SGCZ: variants seen among roughly 807,000 people sequenced by gnomAD.
The protein encoded by SGCZ is sarcoglycan zeta, also known as zeta-sarcoglycan.
Under a neutral mutation model 41.3 loss-of-function variants are expected in SGCZ, and 40 were observed. The ratio of observed to expected loss-of-function variants is 0.97; its 90% CI spans 0.75 to 1.26. The LOEUF (loss-of-function observed/expected upper bound fraction) is 1.26, where lower values mean the gene tolerates loss of function less well. Among genes scored for constraint, SGCZ ranks in the 50% most tolerant of loss-of-function variants. SGCZ has a pLI of 0.00. For synonymous variants in SGCZ, 206 were observed against 137.5 expected, an observed-to-expected ratio of 1.50 and a Z score of -3.49; for missense variants, 552 against 369.8, an observed-to-expected ratio of 1.49 and a Z score of -4.04.
intron 5 of SGCZ, among the ~76,000 whole-genome samples, chr8:14,146,764 C>T (rs374911578): frequency 0.045 from 5,576 of 124,678 alleles, 183 homozygotes; most frequent in Middle Eastern, 0.11. Context: ...CCCAGCTGCT[C>T]TGGAGGCTGA....
At chr8:14,228,696 A>G (rs548974770) in intron 4 of SGCZ, among the ~76,000 whole-genome samples, 1 of 152,176 alleles carries the variant, frequency 6.6e-6, no homozygotes, top group Admixed American at 6.6e-5. Flanking sequence ...GGACACCTTT[A>G]CAATATGTCT....
intron 1 of SGCZ, among the ~76,000 whole-genome samples, chr8:14,834,779 G>C (rs193101433): frequency 1.2e-3 from 181 of 152,228 alleles, no homozygotes; most frequent in African/African-American, 4.2e-3. Flanking sequence ...TCCTTGATAA[G>C]GTGGAAAGAG....
At chr8:14,814,110 A>G (rs1234963956) in intron 1 of SGCZ, among the ~76,000 whole-genome samples, 8 of 152,246 alleles carry the variant, frequency 5.3e-5, no homozygotes, top group African/African-American at 1.7e-4. Flanking sequence ...AGTTATATTA[A>G]GAACAGGATA....
intron 4 of SGCZ, among the ~76,000 whole-genome samples, chr8:14,225,202 T>G (rs1806330643): frequency 6.6e-6 from 1 of 152,160 alleles, no homozygotes. Flanking sequence ...AATTTCTATT[T>G]TTATTGTGGT....
At chr8:15,180,166 C>G (rs1002925886) in intron 1 of SGCZ, among the ~76,000 whole-genome samples, 1 of 152,186 alleles carries the variant, frequency 6.6e-6, no homozygotes, top group African/African-American at 2.4e-5. Context: ...CTATCACCCT[C>G]TCATCCCGCA....
intron 1 of SGCZ, among the ~76,000 whole-genome samples, chr8:14,630,038 G>GA (rs1806593516): frequency 6.6e-6 from 1 of 151,850 alleles, no homozygotes. Context: ...AGATATATTA[G>GA]GGAAAAAAAT....
At chr8:14,645,766 A>G (rs781141523) in intron 1 of SGCZ, among the ~76,000 whole-genome samples, 41 of 151,694 alleles carry the variant, frequency 2.7e-4, no homozygotes, top group Non-Finnish European at 4.3e-4. Flanking sequence ...TAAGTTACCA[A>G]ATAATATCTG....
At chr8:15,142,455 A>G (rs1798915577) in intron 1 of SGCZ, among the ~76,000 whole-genome samples, 1 of 152,058 alleles carries the variant, frequency 6.6e-6, no homozygotes, top group South Asian at 2.1e-4. Flanking sequence ...TGTTTCTTTC[A>G]AGTCCTTTAA....
intron 1 of SGCZ, among the ~76,000 whole-genome samples, chr8:14,765,288 G>C (rs936464817): frequency 3.3e-5 from 5 of 152,120 alleles, no homozygotes; most frequent in African/African-American, 1.2e-4. Flanking sequence ...TTCAATGATA[G>C]AACTACAAAA....
At chr8:14,127,227 C>G (rs1045235407) in intron 5 of SGCZ, among the ~76,000 whole-genome samples, 3 of 152,078 alleles carry the variant, frequency 2.0e-5, no homozygotes, top group Non-Finnish European at 4.4e-5. Flanking sequence ...AAGCATAGGT[C>G]TGGTTCCCGT....
chr8:14,829,422 T>C (rs954379414), intron 1 of SGCZ, among the ~76,000 whole-genome samples: 1 of 152,214 alleles, frequency 6.6e-6, no homozygotes, highest in African/African-American at 2.4e-5. Flanking sequence ...ATAAAGTGTA[T>C]ATTATTTTCT....
At chr8:14,604,199 A>G (rs1049987862) in intron 1 of SGCZ, among the ~76,000 whole-genome samples, 2 of 152,146 alleles carry the variant, frequency 1.3e-5, no homozygotes, top group African/African-American at 4.8e-5. Context: ...CAAGGTACAA[A>G]TAGACTTATA....
intron 1 of SGCZ, among the ~76,000 whole-genome samples, chr8:14,858,324 A>G (rs930386863): frequency 6.6e-6 from 1 of 150,714 alleles, no homozygotes; most frequent in African/African-American, 2.5e-5. Flanking sequence ...AAAAATTCTT[A>G]AAACAAAACA....
chr8:14,619,920 A>C, intron 1 of SGCZ, among the ~76,000 whole-genome samples: 1 of 152,176 alleles, frequency 6.6e-6, no homozygotes, highest in Non-Finnish European at 1.5e-5. Flanking sequence ...GCCTTTCTTC[A>C]CAGAATTGGA....
At chr8:14,653,827 T>A (rs375926885) in intron 1 of SGCZ, among the ~76,000 whole-genome samples, 1 of 152,248 alleles carries the variant, frequency 6.6e-6, no homozygotes, top group East Asian at 1.9e-4. Context: ...CCCTCAGTTG[T>A]CTCAAAAATG....
chr8:14,903,165 TATA>T (rs1479967237), intron 1 of SGCZ, among the ~76,000 whole-genome samples: 1 of 152,108 alleles, frequency 6.6e-6, no homozygotes, highest in East Asian at 1.9e-4. Flanking sequence ...CCTCAATGAC[TATA>T]ATGAGTGGTC....
intron 1 of SGCZ, among the ~76,000 whole-genome samples, chr8:14,749,346 G>T (rs1799431754): frequency 6.6e-6 from 1 of 152,052 alleles, no homozygotes; most frequent in South Asian, 2.1e-4. Flanking sequence ...GTCATTTTTT[G>T]AATACCAAAC....
intron 2 of SGCZ, among the ~76,000 whole-genome samples, chr8:14,402,835 G>T (rs944611524): frequency 1.2e-4 from 18 of 149,358 alleles, no homozygotes; most frequent in South Asian, 2.1e-4. Context: ...GAAAGGCATT[G>T]GTAGCTTGAT....
intron 2 of SGCZ, among the ~76,000 whole-genome samples, chr8:14,485,786 G>T (rs566996354): frequency 6.6e-6 from 1 of 151,718 alleles, no homozygotes; most frequent in South Asian, 2.1e-4. Flanking sequence ...ATGACAGCAG[G>T]CACAAGGACA....
Sources: allele counts gnomAD v4.1 joint callset (sites outside exome capture counted in the v4.1 genomes callset), GRCh38; gene constraint gnomAD v4.1.1; transcripts MANE v1.5; gene names NCBI Gene and HGNC (gene_info 2026-07-23, HGNC 2026-07-21).